Variants in ULK4 observed in about 807,000 individuals in gnomAD.
ULK4 encodes the protein unc-51 like kinase 4, also known as inactive serine/threonine-protein kinase ULK4.
In ULK4, 133 loss-of-function variants were observed where a neutral mutation model predicts 160.6. The ratio of observed to expected loss-of-function variants is 0.83; its 90% CI spans 0.72 to 0.96. The LOEUF (loss-of-function observed/expected upper bound fraction) is 0.96. Among genes scored for constraint, ULK4 ranks in the 40% least tolerant of loss-of-function variants. The probability of loss-of-function intolerance (pLI) is 0.00; values close to 1 mark genes in which losing one functional copy is unlikely to be tolerated. For missense variants in ULK4, 1,580 were observed against 1,499.5 expected (o/e 1.05, Z -0.89); for synonymous variants, 534 against 539.8 (o/e 0.99, Z 0.15).
Position 41,561,968 on chromosome 3 carries a change from G to A in ULK4, c.3226+4057C>T, listed in dbSNP as rs2087592192. On this transcript the variant is annotated intron_variant, in intron 32 of 36. Transcript: ENST00000301831. ...TTGTGATGTTAGGGTGCAGATTTTA[G>A]ATCTTTTCTGCTTTCTCTTGTGGGC... Among the ~76,000 whole-genome samples the A allele has an allele frequency of 2.0e-5, 3 of 152,112 alleles. No homozygotes were observed. The South Asian group carries it at 6.2e-4, about 32-fold the overall frequency.
intron 34 of ULK4, among the ~76,000 whole-genome samples, chr3:41,443,746 T>C (rs1467320948): frequency 2.6e-5 from 3 of 114,490 alleles, no homozygotes; most frequent in African/African-American, 3.8e-5. Flanking sequence ...TTTAAATATA[T>C]ATTTTCAATA....
intron 19 of ULK4, among the ~76,000 whole-genome samples, chr3:41,813,396 T>C (rs1041624632): frequency 3.9e-4 from 60 of 152,356 alleles, no homozygotes; most frequent in African/African-American, 1.4e-3. Flanking sequence ...TTCTGAACTA[T>C]AGTTTATTAG....
chr3:41,568,969 A>G (rs1441638328), intron 31 of ULK4, among the ~76,000 whole-genome samples: 2 of 152,204 alleles, frequency 1.3e-5, no homozygotes, highest in African/African-American at 4.8e-5. Context: ...TTAATTTACT[A>G]GAGTGGCTTA....
At chr3:41,621,177 T>C (rs1025155446) in intron 30 of ULK4, among the ~76,000 whole-genome samples, 2 of 152,100 alleles carry the variant, frequency 1.3e-5, no homozygotes, top group Admixed American at 6.5e-5. Flanking sequence ...ATCATGAAAA[T>C]GGCCATACTG....
intron 21 of ULK4, among the ~76,000 whole-genome samples, chr3:41,772,191 T>C (rs2039410585): frequency 1.3e-5 from 2 of 152,080 alleles, no homozygotes; most frequent in Admixed American, 1.3e-4. Context: ...ATTCAAAAGC[T>C]AGCAGAAAGC....
At chr3:41,300,494 A>G (rs2079762748) in intron 35 of ULK4, among the ~76,000 whole-genome samples, 1 of 152,138 alleles carries the variant, frequency 6.6e-6, no homozygotes, top group African/African-American at 2.4e-5. Flanking sequence ...TAAACTCTAC[A>G]GGATTTTGTC....
At chr3:41,493,693 A>C (rs2084879433) in intron 32 of ULK4, among the ~76,000 whole-genome samples, 1 of 151,314 alleles carries the variant, frequency 6.6e-6, no homozygotes, top group Non-Finnish European at 1.5e-5. Context: ...AAGACTAATA[A>C]ACAAAAAAAG....
At chr3:41,794,686 A>AAAAAAAAAAAAAAAAAAAAAC (rs1553654814) in intron 20 of ULK4, among the ~76,000 whole-genome samples, 18 of 112,426 alleles carry the variant, frequency 1.6e-4, no homozygotes, top group African/African-American at 6.2e-4. Context: ...AAAAAAAAAA[A>AAAAAAAAAAAAAAAAAAAAAC]CACAGAAAAA....
At chr3:41,883,825 G>C in intron 17 of ULK4, 49 bp downstream of exon 17, 3 of 1,480,690 alleles carry the variant, frequency 2.0e-6, no homozygotes, top group Middle Eastern at 1.7e-4. Flanking sequence ...ACAGAATCAA[G>C]AACAGTATTT....
rs2040095176 is a variant in ULK4 at position 41,789,795 on chromosome 3, T to C, written c.2059A>G (p.Ile687Val). 1 of 1,613,458 alleles carries C rather than the reference T, an allele frequency of 6.2e-7. No individual in the cohort carries two copies. Among genetic ancestry groups the C allele is most frequent in the African/African-American group, 1.3e-5 (1 of 74,996 alleles). Reference sequence around the variant, plus strand: ...ACTGAGTTCAGTCCCACCTTTTCAATAACATTCTGGAAGGCAGTAGGAGAA... The same window carrying C: ...ACTGAGTTCAGTCCCACCTTTTCAACAACATTCTGGAAGGCAGTAGGAGAA... ...RHSPTAFQNV[I>V]EKVGLNSVIN... Residue 687 changes from isoleucine (I) to valine (V), a missense_variant, in exon 21 of 37, where the codon ATT becomes GTT. Physicochemically the swap from Ile to Val is conservative, Grantham distance 29. Coordinates refer to ENST00000301831, the MANE Select transcript of ULK4 (RefSeq NM_017886.4).
At chr3:41,761,521 C>T (rs1433664063) in intron 21 of ULK4, among the ~76,000 whole-genome samples, 1 of 151,224 alleles carries the variant, frequency 6.6e-6, no homozygotes, top group Non-Finnish European at 1.5e-5. Context: ...ATGTAGGATA[C>T]AAGAAGCAAT....
chr3:41,653,535 G>C (rs2034825101), intron 30 of ULK4, among the ~76,000 whole-genome samples: 1 of 152,158 alleles, frequency 6.6e-6, no homozygotes, highest in African/African-American at 2.4e-5. Flanking sequence ...AAACGACCCA[G>C]ATGATCTCCA....
intron 17 of ULK4, among the ~76,000 whole-genome samples, chr3:41,841,759 G>A (rs1308980078): frequency 1.3e-5 from 2 of 152,162 alleles, no homozygotes; most frequent in Non-Finnish European, 2.9e-5. Flanking sequence ...GTAGAAAGAA[G>A]TTGACATAGG....
At chr3:41,356,712 T>C (rs1249197076) in intron 35 of ULK4, among the ~76,000 whole-genome samples, 1 of 152,212 alleles carries the variant, frequency 6.6e-6, no homozygotes, top group Non-Finnish European at 1.5e-5. Context: ...AAAATGGATG[T>C]TCTTCTGGTT....
intron 22 of ULK4, among the ~76,000 whole-genome samples, chr3:41,741,626 T>C (rs2038241943): frequency 6.6e-6 from 1 of 152,000 alleles, no homozygotes; most frequent in Admixed American, 6.6e-5. Context: ...CAATGTGTAT[T>C]GTTAATAGTC....
At chr3:41,493,199 G>A in intron 32 of ULK4, among the ~76,000 whole-genome samples, 1 of 140,746 alleles carries the variant, frequency 7.1e-6, no homozygotes, top group Non-Finnish European at 1.6e-5. Flanking sequence ...CTCAGCAAAT[G>A]TAAAAGAACA....
In ULK4 at chr3:41,338,484, C is replaced by T. The variant is rs530519438; in HGVS notation, c.3678+59595G>A. Reference sequence around the variant, plus strand: ...TAGCTCTCTTAATCTGAACACTTTCCCCACAAGCCTTTCTACATATTTCCT... The same window carrying T: ...TAGCTCTCTTAATCTGAACACTTTCTCCACAAGCCTTTCTACATATTTCCT... On this transcript the variant is annotated intron_variant, in intron 35 of 36. Transcript: ENST00000301831. Among the ~76,000 whole-genome samples, 21 of 152,276 alleles carry T rather than the reference C, an allele frequency of 1.4e-4. 1 individual carries two copies. In the South Asian group the frequency reaches 4.4e-3, roughly 32 times the overall value.
chr3:41,250,151 C>T (rs1244032337), intron 35 of ULK4, among the ~76,000 whole-genome samples: 1 of 152,170 alleles, frequency 6.6e-6, no homozygotes, highest in Non-Finnish European at 1.5e-5. Context: ...GAATCATACA[C>T]TCTCAGGGCT....
chr3:41,751,073 T>C (rs1353549975), intron 22 of ULK4, among the ~76,000 whole-genome samples: 2 of 151,254 alleles, frequency 1.3e-5, no homozygotes, highest in Non-Finnish European at 3.0e-5. Flanking sequence ...CTCTTCCCGT[T>C]CTTTCTCTTT....
Sources: allele counts gnomAD v4.1 joint callset (sites outside exome capture counted in the v4.1 genomes callset), GRCh38; gene constraint gnomAD v4.1.1; transcripts MANE v1.5; gene names NCBI Gene and HGNC (gene_info 2026-07-23, HGNC 2026-07-21).